The following LEPROTL1 variants were observed in gnomAD, a reference collection of about 807,000 sequenced individuals.
LEPROTL1 encodes the protein leptin receptor overlapping transcript-like 1.
A neutral mutation model predicts 15.4 loss-of-function variants in LEPROTL1; 6 were observed. The observed-to-expected ratio is 0.39, with a 90% CI of 0.21 to 0.77. The LOEUF is 0.77. LEPROTL1 is among the 30% of genes least tolerant of loss of function. The pLI, the probability that LEPROTL1 is intolerant of heterozygous loss-of-function variation, is 0.41. For missense variants in LEPROTL1, 128 were observed against 158.1 expected (o/e 0.81, Z 1.02); for synonymous variants, 56 against 52.6 (o/e 1.06, Z -0.28).
At chr8:30,123,620 A>G (rs1295347441) in intron 3 of LEPROTL1, among the ~76,000 whole-genome samples, 1 of 152,164 alleles carries the variant, frequency 6.6e-6, no homozygotes, top group East Asian at 1.9e-4. Context: ...ACTCACACAC[A>G]CATACATATA....
rs566275566 is a variant in LEPROTL1 at position 30,121,576 on chromosome 8, C to T, written c.280-10799C>T. On this transcript the variant is annotated intron_variant, in intron 3 of 4. Coordinates refer to the LEPROTL1 transcript ENST00000442880. Reference sequence around the variant, plus strand: ...GCCTAGATATTGTTAATAAAATAAACTCATGAGATGACTTGGAAACCTGAA... The same window carrying T: ...GCCTAGATATTGTTAATAAAATAAATTCATGAGATGACTTGGAAACCTGAA... 7.9e-5 allele frequency among the ~76,000 whole-genome samples: 12 copies of T among 152,228 alleles called. No individual in the cohort carries two copies. In the South Asian group the frequency reaches 1.5e-3, roughly 18 times the overall value.
downstream of LEPROTL1, chr8:30,137,823 A>C (rs1803181247): frequency 3.2e-6 from 1 of 313,132 alleles, no homozygotes; most frequent in African/African-American, 2.1e-5. Context: ...AAATTAGCCG[A>C]AAGATTAGAA....
At chr8:30,121,051 A>G (rs1003790104) in intron 3 of LEPROTL1, among the ~76,000 whole-genome samples, 7 of 152,110 alleles carry the variant, frequency 4.6e-5, no homozygotes, top group South Asian at 2.1e-4. Flanking sequence ...GGTACCTCCT[A>G]TGGAATCATA....
Position 30,106,413 on chromosome 8 carries a change from A to G in LEPROTL1, c.*551A>G, listed in dbSNP as rs529122663. On this transcript the variant is annotated 3_prime_UTR_variant, in exon 4 of 4. Coordinates refer to ENST00000321250, the MANE Select transcript of LEPROTL1 (RefSeq NM_015344.3). Reference sequence around the variant, plus strand: ...ACTCAGTGCAAATATAGCTGCATTTATACCTCAGAGGGGCCAAGTGTTAAT... The same window carrying G: ...ACTCAGTGCAAATATAGCTGCATTTGTACCTCAGAGGGGCCAAGTGTTAAT... 1 of 985,832 alleles carries G rather than the reference A, an allele frequency of 1.0e-6. No individual in the cohort carries two copies. The highest frequency in any genetic ancestry group is 1.1e-4 in the East Asian group (1 of 8,818). 61.1% of individuals were successfully genotyped at this position (985,832 alleles called of 1,614,324 possible).
intron 4 of LEPROTL1, chr8:30,132,546 G>T: frequency 6.4e-7 from 1 of 1,551,700 alleles, no homozygotes; most frequent in Non-Finnish European, 8.7e-7. Context: ...CGAATTGCTG[G>T]CAATCAGTCA....
exon 5 of LEPROTL1, chr8:30,137,397 C>T: frequency 6.4e-7 from 1 of 1,551,646 alleles, no homozygotes; most frequent in South Asian, 1.2e-5. Flanking sequence ...GCAGAGTGTC[C>T]ACTCAACCCG....
At position 30,131,968 on chromosome 8, in the gene LEPROTL1, G is replaced by A. The variant is rs147257777; in HGVS notation, c.280-407G>A. ...TCAGTTACATTTGTGCTTTCTCTTCGCCAATAGCAAAAGCAGAATACAGTA... is the reference window on the plus strand; with the variant it reads ...TCAGTTACATTTGTGCTTTCTCTTCACCAATAGCAAAAGCAGAATACAGTA... On this transcript the variant is annotated intron_variant, in intron 3 of 4. Coordinates refer to the LEPROTL1 transcript ENST00000442880. The A allele has an allele frequency of 2.0e-5, 31 of 1,549,046 alleles. No individual in the cohort carries two copies. In the East Asian group the frequency reaches 3.9e-4, roughly 20 times the overall value.
intron 1 of LEPROTL1, 85 bp downstream of exon 1, chr8:30,095,613 CT>C: frequency 8.6e-7 from 1 of 1,162,036 alleles, no homozygotes; most frequent in Non-Finnish European, 1.1e-6. Context: ...CGCACTTCCC[CT>C]CCGGGCTCGC....
chr8:30,137,866 A>G (rs902145422), downstream of LEPROTL1: 1 of 267,284 alleles, frequency 3.7e-6, no homozygotes, highest in Admixed American at 5.1e-5. Context: ...GCTGGAGATG[A>G]CAAGATTCTG....
At chr8:30,099,093 G>A (rs1585460388) in intron 1 of LEPROTL1, among the ~76,000 whole-genome samples, 1 of 152,112 alleles carries the variant, frequency 6.6e-6, no homozygotes, top group East Asian at 1.9e-4. Context: ...CCTGACGTTT[G>A]TCATCACTTG....
chr8:30,131,480 G>A (rs979947378), intron 3 of LEPROTL1, among the ~76,000 whole-genome samples: 4 of 151,954 alleles, frequency 2.6e-5, no homozygotes, highest in Non-Finnish European at 4.4e-5. Flanking sequence ...AGAAAAAAAA[G>A]TTCAAACCTA....
At chr8:30,134,421 C>CA (rs1222027889) in intron 4 of LEPROTL1, among the ~76,000 whole-genome samples, 5 of 134,708 alleles carry the variant, frequency 3.7e-5, no homozygotes, top group African/African-American at 5.6e-5. Flanking sequence ...GACTGCATCT[C>CA]AAAAAAACAA....
At chr8:30,095,675 G>T (rs932467277) in intron 1 of LEPROTL1, 147 bp downstream of exon 1, 154 of 756,536 alleles carry the variant, frequency 2.0e-4, no homozygotes, top group African/African-American at 2.0e-3. Context: ...CCCCGGCCCT[G>T]CGCTTGGCCC....
intron 3 of LEPROTL1, among the ~76,000 whole-genome samples, chr8:30,128,447 T>C (rs1175989175): frequency 2.0e-5 from 3 of 151,852 alleles, no homozygotes; most frequent in Non-Finnish European, 4.4e-5. Context: ...TCATGAAGAG[T>C]AGTCACTTAA....
intron 1 of LEPROTL1, 123 bp downstream of exon 1, chr8:30,095,651 G>A: frequency 2.4e-6 from 2 of 836,120 alleles, no homozygotes; most frequent in Non-Finnish European, 3.3e-6. Flanking sequence ...CCTGCGCCGG[G>A]GAAGCGACCC....
chr8:30,095,844 TGGACGGCCACACACGTTTTGCA>T (rs1216598367), intron 1 of LEPROTL1: 8 of 701,440 alleles, frequency 1.1e-5, no homozygotes, highest in Non-Finnish European at 2.1e-5. Context: ...CGTCGCGACT[TGGACGGCCACACACGTTTTGCA>T]GGAGTTTGCA....
intron 3 of LEPROTL1, chr8:30,117,556 C>G: frequency 7.6e-7 from 1 of 1,319,412 alleles, no homozygotes; most frequent in Non-Finnish European, 1.1e-6. Flanking sequence ...GGGCTGATCA[C>G]TCCACACTTG....
intron 3 of LEPROTL1, among the ~76,000 whole-genome samples, chr8:30,114,336 G>C (rs1478294809): frequency 6.6e-6 from 1 of 151,662 alleles, no homozygotes; most frequent in Non-Finnish European, 1.5e-5. Flanking sequence ...TGTCACCCAG[G>C]CTGGAATACA....
At chr8:30,135,061 T>G (rs1803110079) in intron 4 of LEPROTL1, among the ~76,000 whole-genome samples, 1 of 150,214 alleles carries the variant, frequency 6.7e-6, no homozygotes, top group Non-Finnish European at 1.5e-5. Context: ...TGTGGGTTTT[T>G]TTTTTTTTTT....
Sources: allele counts gnomAD v4.1 joint callset (sites outside exome capture counted in the v4.1 genomes callset), GRCh38; gene constraint gnomAD v4.1.1; transcripts MANE v1.5; gene names NCBI Gene and HGNC (gene_info 2026-07-23, HGNC 2026-07-21).